The following ZNF385D variants were observed in gnomAD, a reference collection of about 807,000 sequenced individuals.
The protein encoded by ZNF385D is zinc finger protein 659.
A neutral mutation model predicts 35.8 loss-of-function variants in ZNF385D; 15 were observed. The ratio of observed to expected loss-of-function variants is 0.42; its 90% CI spans 0.28 to 0.64. The LOEUF (loss-of-function observed/expected upper bound fraction) is 0.64. ZNF385D is among the 30% of genes least tolerant of loss of function. ZNF385D has a pLI of 0.23. For synonymous variants in ZNF385D, 212 were observed against 186.8 expected (o/e 1.13, Z -1.10); for missense variants, 474 against 494.6 (o/e 0.96, Z 0.39).
chr3:21,728,370 T>C (rs900980817), intron 1 of ZNF385D, among the ~76,000 whole-genome samples: 1 of 151,880 alleles, frequency 6.6e-6, no homozygotes, highest in Non-Finnish European at 1.5e-5. Flanking sequence ...TCTACCAGAC[T>C]CAGGTTATGG....
intron 3 of ZNF385D, among the ~76,000 whole-genome samples, chr3:21,529,288 C>T (rs949614287): frequency 1.2e-4 from 18 of 152,102 alleles, no homozygotes; most frequent in Non-Finnish European, 1.6e-4. Context: ...TGATATTCCT[C>T]TTTGACTTTG....
chr3:22,165,730 G>T (rs115164894), intron 3 of ZNF385D, among the ~76,000 whole-genome samples: 2 of 151,968 alleles, frequency 1.3e-5, no homozygotes, highest in Non-Finnish European at 2.9e-5. Flanking sequence ...TCTTTCTTAG[G>T]AGGAGACCCC....
intron 3 of ZNF385D, among the ~76,000 whole-genome samples, chr3:22,166,783 G>T (rs1238843923): frequency 4.6e-5 from 7 of 152,120 alleles, no homozygotes; most frequent in Non-Finnish European, 7.4e-5. Flanking sequence ...TGTATCTTTT[G>T]TTCTAGTTTT....
intron 2 of ZNF385D, among the ~76,000 whole-genome samples, chr3:22,218,672 C>CA (rs1169055979): frequency 6.6e-6 from 1 of 152,056 alleles, no homozygotes; most frequent in Non-Finnish European, 1.5e-5. Flanking sequence ...TTAAGGCTTC[C>CA]ACTCTTCACT....
chr3:22,027,079 C>A (rs1697602126), intron 3 of ZNF385D, among the ~76,000 whole-genome samples: 1 of 152,178 alleles, frequency 6.6e-6, no homozygotes, highest in Admixed American at 6.5e-5. Context: ...AGCAATTTGC[C>A]TTCAGCTGGC....
In ZNF385D at chr3:22,233,870, CA is replaced by C. The variant is rs1699032583; in HGVS notation, c.107-64836del. Among the ~76,000 whole-genome samples, 4 of 152,142 alleles carry C rather than the reference CA, an allele frequency of 2.6e-5. No individual in the cohort carries two copies. The South Asian group carries it at 8.3e-4, about 32-fold the overall frequency. ...CAATTTAATGGTTGCATTAAAAACC[CA>C]TTTCCTTGATCATCAATTACCATGA... On this transcript the variant is annotated intron_variant, in intron 2 of 5. Coordinates refer to the ZNF385D transcript ENST00000494108.
intron 2 of ZNF385D, among the ~76,000 whole-genome samples, chr3:22,169,698 A>G (rs1416319581): frequency 6.6e-6 from 1 of 152,238 alleles, no homozygotes; most frequent in Non-Finnish European, 1.5e-5. Flanking sequence ...TATGGCTTAC[A>G]TTGGAAAGCA....
chr3:21,881,430 A>C (rs192133503), intron 3 of ZNF385D, among the ~76,000 whole-genome samples: 1 of 151,980 alleles, frequency 6.6e-6, no homozygotes, highest in South Asian at 2.1e-4. Context: ...ATGACAGCAC[A>C]TCTGTTTACA....
Position 21,421,151 on chromosome 3 carries a change from T to G in ZNF385D, c.*63A>C. The stretch of plus-strand genomic sequence containing the variant: ...ATAAATAAACACTGCATAGTTCTCT[T>G]TTGTTTGTTTTGTTTTTTGTTTTTT... On this transcript the variant is annotated 3_prime_UTR_variant, in exon 8 of 8. Coordinates refer to ENST00000281523, the MANE Select transcript of ZNF385D (RefSeq NM_024697.3). The G allele has an allele frequency of 7.3e-7, 1 of 1,366,330 alleles. No individual in the cohort carries two copies. Among genetic ancestry groups the G allele is most frequent in the South Asian group, 1.2e-5 (1 of 83,074 alleles). 84.6% of individuals were successfully genotyped at this position (1,366,330 alleles called of 1,614,324 possible).
chr3:22,315,519 T>C (rs929260409), intron 2 of ZNF385D, among the ~76,000 whole-genome samples: 6 of 152,086 alleles, frequency 3.9e-5, no homozygotes, highest in Non-Finnish European at 8.8e-5. Flanking sequence ...AAGAAAACTG[T>C]TAAAGAAAGA....
chr3:21,897,892 A>G lies in ZNF385D; in HGVS notation c.326-232864T>C, dbSNP rs147291153. Among the ~76,000 whole-genome samples the G allele has an allele frequency of 5.0e-3, 765 of 152,284 alleles. 13 individuals carry two copies. Among genetic ancestry groups the G allele is most frequent in the African/African-American group, 0.017 (704 of 41,578 alleles). ...AGAAGACAGCTAAAGCCTAATCAAT[A>G]CCCAGCATGGATTTATTATTTTTGT... On this transcript the variant is annotated intron_variant, in intron 3 of 5. Coordinates refer to the ZNF385D transcript ENST00000494108.
chr3:21,529,985 G>C (rs920841783), intron 3 of ZNF385D, among the ~76,000 whole-genome samples: 1 of 152,064 alleles, frequency 6.6e-6, no homozygotes, highest in Non-Finnish European at 1.5e-5. Flanking sequence ...TTGGGTCATG[G>C]GGGGGGTGAA....
intron 3 of ZNF385D, among the ~76,000 whole-genome samples, chr3:21,990,849 A>G (rs980907686): frequency 6.6e-6 from 1 of 152,176 alleles, no homozygotes; most frequent in African/African-American, 2.4e-5. Context: ...TTTCCTTTGA[A>G]AACAGAATGC....
intron 3 of ZNF385D, among the ~76,000 whole-genome samples, chr3:22,130,233 A>G (rs894442649): frequency 6.6e-6 from 1 of 152,118 alleles, no homozygotes; most frequent in African/African-American, 2.4e-5. Flanking sequence ...CTTCTCCCAC[A>G]GTTGCAAGCT....
chr3:22,155,635 C>T (rs149650636), intron 3 of ZNF385D, among the ~76,000 whole-genome samples: 1 of 152,010 alleles, frequency 6.6e-6, no homozygotes, highest in Non-Finnish European at 1.5e-5. Context: ...CTGATTGTCT[C>T]AAATGTAAGA....
chr3:21,980,797 A>G (rs988066763), intron 3 of ZNF385D, among the ~76,000 whole-genome samples: 1 of 152,118 alleles, frequency 6.6e-6, no homozygotes, highest in Non-Finnish European at 1.5e-5. Context: ...GCTCCCACTT[A>G]TAAGTGAGAA....
chr3:21,832,105 T>A (rs1391295555), intron 3 of ZNF385D, among the ~76,000 whole-genome samples: 1 of 152,202 alleles, frequency 6.6e-6, no homozygotes, highest in African/African-American at 2.4e-5. Context: ...ATTTCTCTCA[T>A]CTCTCCTTAA....
intron 2 of ZNF385D, among the ~76,000 whole-genome samples, chr3:22,244,146 C>G: frequency 6.7e-6 from 1 of 150,324 alleles, no homozygotes; most frequent in Non-Finnish European, 1.5e-5. Context: ...TGTTAGTACT[C>G]TGTGCAAGAA....
chr3:22,165,424 A>G (rs966931165), intron 3 of ZNF385D, among the ~76,000 whole-genome samples: 2 of 152,196 alleles, frequency 1.3e-5, no homozygotes, highest in Non-Finnish European at 2.9e-5. Context: ...ATGGGAGCTG[A>G]TCAGTTGCAA....
Sources: gnomAD v4.1 joint callset for allele counts (sites outside exome capture counted in the v4.1 genomes callset) on GRCh38, gnomAD v4.1.1 for gene constraint, MANE v1.5 for transcripts, NCBI Gene and HGNC (gene_info 2026-07-23, HGNC 2026-07-21) for gene names.